PLSCR4: variants seen among roughly 807,000 people sequenced by gnomAD.
The protein encoded by PLSCR4 is Ca(2+)-dependent phospholipid scramblase 4.
In PLSCR4, 25 loss-of-function variants were observed where a neutral mutation model predicts 36.3. The ratio of observed to expected loss-of-function variants is 0.69; its 90% confidence interval spans 0.50 to 0.96. The LOEUF (loss-of-function observed/expected upper bound fraction) is 0.96, where lower values mean the gene tolerates loss of function less well. Among genes scored for constraint, PLSCR4 ranks in the 40% least tolerant of loss-of-function variants. The probability of loss-of-function intolerance (pLI) is 0.00; values close to 1 mark genes in which losing one functional copy is unlikely to be tolerated. For missense variants in PLSCR4, 408 were observed against 414.7 expected, an observed-to-expected ratio of 0.98 and a Z score of 0.14; for synonymous variants, 122 against 132.9, an observed-to-expected ratio of 0.92 and a Z score of 0.56.
At chr3:146,245,946 T>C (rs1399913917) in intron 1 of PLSCR4, among the ~76,000 whole-genome samples, 1 of 152,100 alleles carries the variant, frequency 6.6e-6, no homozygotes, top group Non-Finnish European at 1.5e-5. Flanking sequence ...TTAATTACTT[T>C]TATGGGTTTC....
intron 4 of PLSCR4, among the ~76,000 whole-genome samples, chr3:146,204,348 A>T (rs1221412504): frequency 6.6e-6 from 1 of 152,040 alleles, no homozygotes; most frequent in Non-Finnish European, 1.5e-5. Context: ...AGCTAATAAC[A>T]GCCACATAGC....
At chr3:146,236,654 C>T (rs138155959) in intron 1 of PLSCR4, among the ~76,000 whole-genome samples, 58 of 152,266 alleles carry the variant, frequency 3.8e-4, no homozygotes, top group African/African-American at 1.3e-3. Context: ...ACTTGCTCCT[C>T]CTTGCCTTCA....
chr3:146,195,272 A>G lies in PLSCR4; in HGVS notation c.797T>C (p.Leu266Pro). The stretch of plus-strand genomic sequence containing the variant: ...ACTGCCGATGTTGGATATGCCATCA[A>G]GGGATTTGACCTGGAATGACAAGAA... ...GSDSVFEVKS[L>P]DGISNIGSII... Residue 266 changes from leucine to proline, a missense_variant, in exon 8 of 9, where the codon CTT (leucine) becomes CCT (proline). Transcript: ENST00000354952. 6.2e-7 allele frequency: 1 copy of G among 1,613,294 alleles called. No homozygotes were observed. Among genetic ancestry groups the G allele is most frequent in the Non-Finnish European group, 8.5e-7 (1 of 1,179,318 alleles).
intron 2 of PLSCR4, among the ~76,000 whole-genome samples, 154 bp from the exon 3 acceptor site, chr3:146,221,079 TAG>T (rs2035118634): frequency 6.6e-6 from 1 of 152,224 alleles, no homozygotes; most frequent in Non-Finnish European, 1.5e-5. Flanking sequence ...CATCATATAT[TAG>T]ACACTATTAA....
intron 1 of PLSCR4, among the ~76,000 whole-genome samples, chr3:146,234,833 G>A (rs1238670818): frequency 6.6e-6 from 1 of 152,094 alleles, no homozygotes; most frequent in Non-Finnish European, 1.5e-5. Flanking sequence ...TGATACAAAA[G>A]AGATGACTGC....
intron 2 of PLSCR4, 27 bp downstream of exon 2, chr3:146,222,036 CAT>C: frequency 8.4e-7 from 1 of 1,193,392 alleles, no homozygotes; most frequent in Non-Finnish European, 1.2e-6. Flanking sequence ...GAAAATAAAG[CAT>C]ATTCAAATTT....
intron 3 of PLSCR4, among the ~76,000 whole-genome samples, chr3:146,208,492 C>T (rs2034454433): frequency 6.6e-6 from 1 of 151,666 alleles, no homozygotes; most frequent in Admixed American, 6.6e-5. Flanking sequence ...AGTAAACAGA[C>T]AACCCAAACA....
Position 146,206,534 on chromosome 3 carries a change from A to G in PLSCR4, c.346T>C (p.Leu116=). ...GTATTTTCATGGAGTACCTGAACTA[A>G]GTATTCCAGACCAGGAGGGCAGTTT... ...MANCPPGLEY[L]VQLDNIHVLQ... is the part of the protein sequence containing the mutation. The change falls in exon 4 of 9, where the codon TTA becomes CTA. Residue 116 remains leucine, a synonymous_variant. Transcript: ENST00000354952. 6.2e-7 allele frequency: 1 copy of G among 1,600,442 alleles called. No homozygotes were observed. The highest frequency in any genetic ancestry group is 8.6e-7 in the Non-Finnish European group (1 of 1,167,654).
At chr3:146,215,290 CGT>C (rs1214844459) in intron 3 of PLSCR4, among the ~76,000 whole-genome samples, 1 of 151,642 alleles carries the variant, frequency 6.6e-6, no homozygotes, top group Non-Finnish European at 1.5e-5. Context: ...TGGTGAAACT[CGT>C]GTTACTTATA....
At chr3:146,212,436 TGTTTTTTTTTGTTTTTTGG>T (rs1159751349) in intron 3 of PLSCR4, among the ~76,000 whole-genome samples, 1 of 15,678 alleles carries the variant, frequency 6.4e-5, no homozygotes, top group East Asian at 7.9e-4. Flanking sequence ...TTTTTTGTTT[TGTTTTTTTTTGTTTTTTGG>T]GTTTTTTTTT....
chr3:146,220,122 A>G (rs975436899), intron 3 of PLSCR4, among the ~76,000 whole-genome samples: 1 of 152,216 alleles, frequency 6.6e-6, no homozygotes, highest in Non-Finnish European at 1.5e-5. Context: ...GTTTAAAGAC[A>G]ATACTAACTA....
intron 1 of PLSCR4, among the ~76,000 whole-genome samples, chr3:146,247,145 G>C (rs1270143544): frequency 6.6e-6 from 1 of 151,956 alleles, no homozygotes; most frequent in African/African-American, 2.4e-5. Flanking sequence ...TTAACTGGCT[G>C]CCTAATGACA....
chr3:146,234,967 T>C (rs773261767), intron 1 of PLSCR4, among the ~76,000 whole-genome samples: 85 of 152,196 alleles, frequency 5.6e-4, no homozygotes, highest in African/African-American at 2.0e-3. Flanking sequence ...GCCAGAACTT[T>C]TGGCCTCAAT....
At chr3:146,220,042 T>C (rs1418552205) in intron 3 of PLSCR4, among the ~76,000 whole-genome samples, 1 of 152,194 alleles carries the variant, frequency 6.6e-6, no homozygotes, top group Non-Finnish European at 1.5e-5. Context: ...CTTCTAAATA[T>C]ACGCTTAAAT....
chr3:146,239,528 A>C (rs891071116), intron 1 of PLSCR4, among the ~76,000 whole-genome samples: 1 of 152,010 alleles, frequency 6.6e-6, no homozygotes, highest in Non-Finnish European at 1.5e-5. Flanking sequence ...ACAAAAAAAA[A>C]AAAAAAAAAA....
chr3:146,222,176 G>T, intron 1 of PLSCR4, 84 bp from the exon 2 acceptor site: 1 of 475,856 alleles, frequency 2.1e-6, no homozygotes, highest in Non-Finnish European at 3.6e-6. Flanking sequence ...AAGGATTTCT[G>T]TAATTTTTTT....
intron 3 of PLSCR4, among the ~76,000 whole-genome samples, chr3:146,219,546 AG>A (rs1464961453): frequency 6.6e-6 from 1 of 152,200 alleles, no homozygotes; most frequent in African/African-American, 2.4e-5. Context: ...AAGAGAAAAA[AG>A]GAAATCCTGA....
chr3:146,237,311 C>A, intron 1 of PLSCR4, among the ~76,000 whole-genome samples: 1 of 152,138 alleles, frequency 6.6e-6, no homozygotes, highest in African/African-American at 2.4e-5. Flanking sequence ...CATCACAATA[C>A]AGCCTGAAAA....
chr3:146,213,571 C>G (rs1301228115), intron 3 of PLSCR4, among the ~76,000 whole-genome samples: 10 of 152,144 alleles, frequency 6.6e-5, no homozygotes, highest in Non-Finnish European at 8.8e-5. Flanking sequence ...GATCCACCCG[C>G]CTCGGATTCC....
Sources: allele counts gnomAD v4.1 joint callset (sites outside exome capture counted in the v4.1 genomes callset), GRCh38; gene constraint gnomAD v4.1.1; transcripts MANE v1.5; gene names NCBI Gene and HGNC (gene_info 2026-07-23, HGNC 2026-07-21).